The following WDR19 variants were observed in gnomAD, a reference collection of about 807,000 sequenced individuals.
WDR19 encodes WD repeat domain 19, also known as WD repeat-containing protein 19.
A neutral mutation model predicts 180.0 loss-of-function variants in WDR19; 121 were observed. The observed-to-expected ratio is 0.67, with a 90% CI of 0.58 to 0.78. The LOEUF is 0.78. Among genes scored for constraint, WDR19 ranks in the 30% least tolerant of loss-of-function variants. The pLI, the probability that WDR19 is intolerant of heterozygous loss-of-function variation, is 0.00. For synonymous variants in WDR19, 497 were observed against 540.7 expected, an observed-to-expected ratio of 0.92 and a Z score of 1.12; for missense variants, 1,450 against 1,640.7, an observed-to-expected ratio of 0.88 and a Z score of 2.01.
At position 39,228,359 on chromosome 4, in the gene WDR19, T is replaced by C. The variant is rs1730496349; in HGVS notation, c.1777+2T>C. 2 of 1,606,440 alleles carry C rather than the reference T, an allele frequency of 1.2e-6. No individual in the cohort carries two copies. Among genetic ancestry groups the C allele is most frequent in the Non-Finnish European group, 1.7e-6 (2 of 1,174,702 alleles). ...TCTTTCACAAGGACACTATACAAGG[T>C]ACTAAACCCCTTTTGTGTATATTCG... On this transcript the variant is annotated splice_donor_variant, in intron 16 of 36. Coordinates refer to ENST00000399820, the MANE Select transcript of WDR19 (RefSeq NM_025132.4). LOFTEE classifies it high-confidence loss of function.
chr4:39,210,503 C>T (rs542085279), intron 9 of WDR19, among the ~76,000 whole-genome samples: 28 of 152,120 alleles, frequency 1.8e-4, no homozygotes, highest in Admixed American at 1.8e-3. Flanking sequence ...GGCAATATAG[C>T]GAGACCCCAT....
intron 30 of WDR19, 65 bp downstream of exon 30, chr4:39,268,156 T>C: frequency 7.1e-7 from 1 of 1,405,830 alleles, no homozygotes; most frequent in Non-Finnish European, 9.7e-7. Flanking sequence ...CAGCCCCTTT[T>C]CTGTGTAGGA....
At chr4:39,198,276 C>T (rs1183095072) in intron 5 of WDR19, among the ~76,000 whole-genome samples, 5 of 152,156 alleles carry the variant, frequency 3.3e-5, no homozygotes, top group African/African-American at 9.6e-5. Flanking sequence ...AAGACATTAA[C>T]GGCCGGGAGT....
intron 26 of WDR19, 102 bp from the exon 27 acceptor site, chr4:39,255,746 T>G (rs912471489): frequency 7.4e-6 from 4 of 540,512 alleles, no homozygotes; most frequent in Non-Finnish European, 9.6e-6. Context: ...TGTTTGCTGT[T>G]AAGAGTTTTT....
chr4:39,237,448 C>A (rs977757721), intron 20 of WDR19, among the ~76,000 whole-genome samples: 1 of 151,866 alleles, frequency 6.6e-6, no homozygotes, highest in Non-Finnish European at 1.5e-5. Flanking sequence ...TGACTGTAGT[C>A]CCAGCTGCTA....
rs756937727 is a variant in WDR19, at chr4:39,205,584, G to A, written c.738G>A (p.Met246Ile). 13 of 1,613,404 alleles carry A rather than the reference G, an allele frequency of 8.1e-6. 1 individual carries two copies. The South Asian group carries it at 1.3e-4, about 16-fold the overall frequency. The change falls in exon 9 of 37, where the codon ATG becomes ATA. Residue 246 changes from methionine to isoleucine, a missense_variant. Coordinates refer to ENST00000399820, the MANE Select transcript of WDR19 (RefSeq NM_025132.4). ...CYNWYGDGRI[M>I]IGFSCGHFVV... is the part of the protein sequence containing the mutation. Reference sequence around the variant, plus strand: ...ATAGGTATGGTGATGGCCGCATCATGATTGGTTTTTCATGTGGACATTTTG... The same window carrying A: ...ATAGGTATGGTGATGGCCGCATCATAATTGGTTTTTCATGTGGACATTTTG...
At chr4:39,259,364 T>C (rs1734065275) in intron 28 of WDR19, among the ~76,000 whole-genome samples, 1 of 152,260 alleles carries the variant, frequency 6.6e-6, no homozygotes, top group African/African-American at 2.4e-5. Flanking sequence ...GATCCTCTAG[T>C]CTTTTCCATT....
chr4:39,265,570 G>A (rs1246435032), intron 28 of WDR19, among the ~76,000 whole-genome samples: 1 of 151,796 alleles, frequency 6.6e-6, no homozygotes, highest in African/African-American at 2.4e-5. Context: ...TCAGGAGATC[G>A]AGACCATCGT....
At chr4:39,214,177 A>G (rs1728823666) in intron 9 of WDR19, among the ~76,000 whole-genome samples, 1 of 152,170 alleles carries the variant, frequency 6.6e-6, no homozygotes, top group Non-Finnish European at 1.5e-5. Context: ...ACTATAATTC[A>G]CTTCCTTTTG....
intron 28 of WDR19, among the ~76,000 whole-genome samples, chr4:39,265,808 C>T (rs1438202976): frequency 6.7e-6 from 1 of 149,824 alleles, no homozygotes; most frequent in Non-Finnish European, 1.5e-5. Context: ...GAAGTACATT[C>T]TCTGTGCATG....
chr4:39,240,237 A>G (rs1269686964), intron 20 of WDR19, 40 bp from the exon 21 acceptor site: 4 of 1,004,422 alleles, frequency 4.0e-6, no homozygotes, highest in East Asian at 3.5e-5. Context: ...TCTAAAATAT[A>G]TATTAAAATT....
At chr4:39,231,750 T>C (rs774107340) in intron 17 of WDR19, 47 bp from the exon 18 acceptor site, 2 of 1,490,324 alleles carry the variant, frequency 1.3e-6, no homozygotes, top group Non-Finnish European at 1.8e-6. Context: ...TTGCCTAACA[T>C]GTGGCAAGTG....
At chr4:39,221,763 CAT>C (rs1382576465) in intron 14 of WDR19, among the ~76,000 whole-genome samples, 4 of 152,174 alleles carry the variant, frequency 2.6e-5, no homozygotes, top group African/African-American at 9.7e-5. Context: ...TAAATGGAAA[CAT>C]AAAGTATGCA....
At position 39,184,391 on chromosome 4, in the gene WDR19, G is replaced by A. The variant is rs552202387; in HGVS notation, c.7-1335G>A. On this transcript the variant is annotated intron_variant, in intron 1 of 36. Coordinates refer to ENST00000399820, the MANE Select transcript of WDR19 (RefSeq NM_025132.4). ...CCCCACTGCACTCCAGAGCCTGGGC[G>A]ACAGAGCAAGACGCTGTCTAAAAAA... 1.0e-3 allele frequency among the ~76,000 whole-genome samples: 152 copies of A among 151,794 alleles called. 2 individuals are homozygous for A. In the South Asian group the frequency reaches 0.021, roughly 21 times the overall value.
intron 20 of WDR19, among the ~76,000 whole-genome samples, chr4:39,238,225 C>T (rs921616862): frequency 5.9e-5 from 9 of 152,152 alleles, no homozygotes; most frequent in African/African-American, 2.2e-4. Context: ...ACACCTAAGA[C>T]CCTAGGCCTG....
chr4:39,268,456 A>G (rs997371879), intron 30 of WDR19, among the ~76,000 whole-genome samples: 13 of 152,170 alleles, frequency 8.5e-5, no homozygotes, highest in Admixed American at 4.6e-4. Context: ...AATATGAGAC[A>G]TTAGGCGATG....
At chr4:39,242,870 G>A (rs1732106679) in intron 21 of WDR19, among the ~76,000 whole-genome samples, 1 of 152,070 alleles carries the variant, frequency 6.6e-6, no homozygotes, top group Admixed American at 6.5e-5. Context: ...GTTTTGCCAT[G>A]TTAGCCAGGC....
At chr4:39,284,331 A>AAT (rs775884010) in intron 36 of WDR19, among the ~76,000 whole-genome samples, 11 of 91,542 alleles carry the variant, frequency 1.2e-4, no homozygotes, top group Non-Finnish European at 2.0e-4. Context: ...AGTAAAAAAA[A>AAT]TTTTTTTTTT....
At chr4:39,274,750 T>A (rs1395681359) in intron 32 of WDR19, 58 bp from the exon 33 acceptor site, 8 of 1,581,220 alleles carry the variant, frequency 5.1e-6, no homozygotes, top group African/African-American at 1.3e-5. Flanking sequence ...GAATCCCGCC[T>A]GTATCACTGA....
Sources: gnomAD v4.1 joint callset for allele counts (sites outside exome capture counted in the v4.1 genomes callset) on GRCh38, gnomAD v4.1.1 for gene constraint, MANE v1.5 for transcripts, NCBI Gene and HGNC (gene_info 2026-07-23, HGNC 2026-07-21) for gene names.